Variants in GRID2 observed in about 807,000 individuals in gnomAD.
GRID2 encodes the protein glutamate receptor ionotropic, delta-2.
Under a neutral mutation model 114.8 loss-of-function variants are expected in GRID2, and 33 were observed. The observed-to-expected ratio is 0.29, with a 90% CI of 0.22 to 0.38. The LOEUF is 0.38. Ranked by LOEUF, GRID2 falls within the 10% of genes least tolerant of loss-of-function variation. The probability of loss-of-function intolerance (pLI) is 1.00; values close to 1 mark genes in which losing one functional copy is unlikely to be tolerated. For missense variants in GRID2, 1,184 were observed against 1,257.7 expected (o/e 0.94, Z 0.89); for synonymous variants, 505 against 449.9 (o/e 1.12, Z -1.55).
intron 14 of GRID2, among the ~76,000 whole-genome samples, chr4:93,748,113 A>G (rs1038151929): frequency 1.3e-5 from 2 of 152,180 alleles, no homozygotes; most frequent in Admixed American, 6.5e-5. Flanking sequence ...TTTATATACT[A>G]TCAAGTAAAA....
chr4:93,624,457 T>C (rs138533320), intron 13 of GRID2, among the ~76,000 whole-genome samples: 34 of 152,274 alleles, frequency 2.2e-4, no homozygotes, highest in African/African-American at 7.2e-4. Context: ...AGGCTTGCTG[T>C]TGTTTGAAGT....
intron 2 of GRID2, among the ~76,000 whole-genome samples, chr4:93,042,714 T>G (rs1013152455): frequency 4.1e-5 from 6 of 145,534 alleles, no homozygotes; most frequent in Non-Finnish European, 4.5e-5. Context: ...CATATATATA[T>G]AGATATATAG....
chr4:93,614,270 T>C lies in GRID2; in HGVS notation c.2194-11999T>C, dbSNP rs569185199. On this transcript the variant is annotated intron_variant, in intron 13 of 15. Transcript: ENST00000282020. ...GATGGAAATGCAGAAATCACCCGTC[T>C]TCTGCGTCGCTCACGCTGGGAGCTG... 5.3e-4 allele frequency among the ~76,000 whole-genome samples: 81 copies of C among 152,346 alleles called. 5 individuals carry two copies. The South Asian group carries it at 0.017, about 31-fold the overall frequency.
intron 2 of GRID2, among the ~76,000 whole-genome samples, chr4:92,917,066 G>A (rs1748867807): frequency 6.6e-6 from 1 of 152,184 alleles, no homozygotes; most frequent in Non-Finnish European, 1.5e-5. Context: ...TAACTGGTGT[G>A]AGATGGTATC....
chr4:92,687,168 T>C (rs527714055), intron 2 of GRID2, among the ~76,000 whole-genome samples: 8 of 147,792 alleles, frequency 5.4e-5, no homozygotes, highest in African/African-American at 2.0e-4. Flanking sequence ...TTTCACAAGA[T>C]ACGGATTTTT....
chr4:92,881,247 T>C (rs577415633), intron 2 of GRID2, among the ~76,000 whole-genome samples: 9 of 152,164 alleles, frequency 5.9e-5, no homozygotes, highest in Non-Finnish European at 1.3e-4. Flanking sequence ...CATTCACCAA[T>C]TCAATGTTAT....
intron 4 of GRID2, among the ~76,000 whole-genome samples, chr4:93,181,241 A>G (rs1229592832): frequency 6.6e-6 from 1 of 152,164 alleles, no homozygotes; most frequent in Non-Finnish European, 1.5e-5. Flanking sequence ...TGTTGTCAAT[A>G]AAGAGTAATA....
At chr4:92,688,848 T>C (rs762389947) in intron 2 of GRID2, among the ~76,000 whole-genome samples, 45 of 152,200 alleles carry the variant, frequency 3.0e-4, no homozygotes, top group Non-Finnish European at 4.1e-4. Context: ...CAGTGTATTT[T>C]GCCAAGGTCT....
At chr4:93,076,515 T>C (rs552562090) in intron 2 of GRID2, among the ~76,000 whole-genome samples, 9 of 152,208 alleles carry the variant, frequency 5.9e-5, no homozygotes, top group Admixed American at 1.3e-4. Context: ...TGTTAACATC[T>C]TATATAATGA....
At chr4:93,481,227 A>G (rs1450414226) in intron 11 of GRID2, among the ~76,000 whole-genome samples, 1 of 152,038 alleles carries the variant, frequency 6.6e-6, no homozygotes, top group Non-Finnish European at 1.5e-5. Flanking sequence ...GAAATTTCCT[A>G]TGTCAAGTTA....
rs568516556 is a variant in GRID2 at position 92,618,595 on chromosome 4, T to C, written c.244+28309T>C. On this transcript the variant is annotated intron_variant, in intron 2 of 15. Coordinates refer to ENST00000282020, the MANE Select transcript of GRID2 (RefSeq NM_001510.4). Reference sequence around the variant, plus strand: ...AATCTATAGGTTGCTTTGGGAAATATGGTCATTTTAGCAATATTAACTCTT... The same window carrying C: ...AATCTATAGGTTGCTTTGGGAAATACGGTCATTTTAGCAATATTAACTCTT... 3.3e-5 allele frequency among the ~76,000 whole-genome samples: 5 copies of C among 151,794 alleles called. No individual in the cohort carries two copies. The South Asian group carries it at 8.3e-4, about 25-fold the overall frequency.
At chr4:93,077,740 C>T (rs987516782) in intron 2 of GRID2, among the ~76,000 whole-genome samples, 1 of 152,048 alleles carries the variant, frequency 6.6e-6, no homozygotes, top group Non-Finnish European at 1.5e-5. Context: ...CTATCAGCTG[C>T]CAATCAGTTA....
chr4:93,511,948 A>AT (rs540977342), intron 12 of GRID2, among the ~76,000 whole-genome samples: 2,741 of 147,768 alleles, frequency 0.019, 36 homozygotes, highest in African/African-American at 0.039. Flanking sequence ...CATCCAGCTA[A>AT]TTTTTTTTTT....
At chr4:92,932,864 G>A (rs139137618) in intron 2 of GRID2, among the ~76,000 whole-genome samples, 51 of 151,244 alleles carry the variant, frequency 3.4e-4, no homozygotes, top group Non-Finnish European at 5.0e-4. Flanking sequence ...TGATTTATAC[G>A]GAATTTGTAA....
intron 14 of GRID2, among the ~76,000 whole-genome samples, chr4:93,635,937 A>G (rs2030776933): frequency 6.6e-6 from 1 of 152,206 alleles, no homozygotes; most frequent in South Asian, 2.1e-4. Flanking sequence ...CTTTACTCTC[A>G]AGAAGCATAT....
At chr4:92,611,387 C>CA (rs1267822980) in intron 2 of GRID2, among the ~76,000 whole-genome samples, 5 of 151,574 alleles carry the variant, frequency 3.3e-5, no homozygotes, top group African/African-American at 1.2e-4. Context: ...AGAGTGTGCT[C>CA]AAGCCCTCTG....
intron 8 of GRID2, among the ~76,000 whole-genome samples, chr4:93,312,632 A>C (rs1246966533): frequency 1.3e-5 from 2 of 152,212 alleles, no homozygotes; most frequent in Non-Finnish European, 2.9e-5. Flanking sequence ...ACCTGCTTCC[A>C]TTTCAATGCT....
intron 4 of GRID2, among the ~76,000 whole-genome samples, chr4:93,179,839 G>T (rs895899311): frequency 3.9e-5 from 6 of 152,100 alleles, no homozygotes; most frequent in Admixed American, 2.0e-4. Context: ...ACGATGGGGG[G>T]ACTGATGCAT....
chr4:93,050,741 A>T (rs1367128338), intron 2 of GRID2, among the ~76,000 whole-genome samples: 4 of 152,032 alleles, frequency 2.6e-5, no homozygotes, highest in African/African-American at 9.7e-5. Flanking sequence ...GTCCTAGATG[A>T]AGCTACAGGT....
Sources: gnomAD v4.1 joint callset for allele counts (sites outside exome capture counted in the v4.1 genomes callset) on GRCh38, gnomAD v4.1.1 for gene constraint, MANE v1.5 for transcripts, NCBI Gene and HGNC (gene_info 2026-07-23, HGNC 2026-07-21) for gene names.